The following HMGN3 variants were observed in gnomAD, a reference collection of about 807,000 sequenced individuals.
The protein encoded by HMGN3 is high mobility group nucleosome-binding domain-containing protein 3.
In HMGN3, 6 loss-of-function variants were observed where a neutral mutation model predicts 18.8. The ratio of observed to expected loss-of-function variants is 0.32; its 90% CI spans 0.18 to 0.63. The LOEUF (loss-of-function observed/expected upper bound fraction) is 0.63. HMGN3 is among the 30% of genes least tolerant of loss of function. HMGN3 has a pLI of 0.79. For missense variants in HMGN3, 107 were observed against 114.2 expected (o/e 0.94, Z 0.29); for synonymous variants, 40 against 36.5 (o/e 1.10, Z -0.35).
At chr6:79,202,412 T>C in intron 4 of HMGN3, 23 bp from the exon 5 acceptor site, 1 of 1,559,962 alleles carries the variant, frequency 6.4e-7, no homozygotes. Context: ...CAAAGCACAG[T>C]GAAAGAGAAT....
At chr6:79,208,420 T>A (rs1776522450) in intron 3 of HMGN3, 127 bp downstream of exon 3, 1 of 814,752 alleles carries the variant, frequency 1.2e-6, no homozygotes, top group Non-Finnish European at 2.1e-6. Flanking sequence ...ATGAGGACCC[T>A]AGGTAATTTT....
At chr6:79,214,876 A>C (rs1394385781) in intron 2 of HMGN3, 96 bp downstream of exon 2, 1 of 741,518 alleles carries the variant, frequency 1.3e-6, no homozygotes, top group East Asian at 2.7e-5. Flanking sequence ...CTTTGTTCAT[A>C]CAATTGTCCG....
exon 6 of HMGN3, chr6:79,201,674 T>G: frequency 6.5e-7 from 1 of 1,543,106 alleles, no homozygotes; most frequent in Non-Finnish European, 8.9e-7. Context: ...TCAACCCCAA[T>G]TTTTCATGAC....
At chr6:79,211,051 C>G (rs1012805283) in intron 2 of HMGN3, among the ~76,000 whole-genome samples, 24 of 142,102 alleles carry the variant, frequency 1.7e-4, no homozygotes, top group Middle Eastern at 4.0e-3. Flanking sequence ...GCTGTCTAAA[C>G]CAGCCAGTAC....
chr6:79,216,873 G>C (rs1190685478), intron 1 of HMGN3, among the ~76,000 whole-genome samples: 1 of 152,128 alleles, frequency 6.6e-6, no homozygotes, highest in Admixed American at 6.5e-5. Flanking sequence ...ATTCAGACCT[G>C]TCAGGTCACT....
At chr6:79,208,400 T>G (rs530173591) in intron 3 of HMGN3, 147 bp downstream of exon 3, 178 of 713,948 alleles carry the variant, frequency 2.5e-4, no homozygotes, top group Middle Eastern at 9.8e-4. Context: ...ACTGGTCAAA[T>G]TTGCTAGACA....
chr6:79,223,126 C>T (rs368588083), intron 1 of HMGN3, among the ~76,000 whole-genome samples: 1 of 152,164 alleles, frequency 6.6e-6, no homozygotes, highest in East Asian at 1.9e-4. Context: ...CATCTGTAAT[C>T]GCAGCACTTT....
intron 1 of HMGN3, among the ~76,000 whole-genome samples, chr6:79,216,904 T>TA (rs35199763): frequency 1.3e-5 from 2 of 152,170 alleles, no homozygotes; most frequent in Non-Finnish European, 2.9e-5. Flanking sequence ...CAGTCTAGGG[T>TA]ACTCTCTACC....
chr6:79,227,748 A>C (rs1241002785), intron 1 of HMGN3, among the ~76,000 whole-genome samples: 1 of 152,192 alleles, frequency 6.6e-6, no homozygotes, highest in Non-Finnish European at 1.5e-5. Flanking sequence ...CCAGAACCAT[A>C]CTAGAGTTTT....
At chr6:79,206,446 C>T (rs568656877) in intron 3 of HMGN3, among the ~76,000 whole-genome samples, 30 of 152,200 alleles carry the variant, frequency 2.0e-4, no homozygotes, top group Non-Finnish European at 4.1e-4. Flanking sequence ...GGGGCTATTG[C>T]TTCAGTGTGT....
At chr6:79,214,248 C>T (rs1261751197) in intron 2 of HMGN3, among the ~76,000 whole-genome samples, 1 of 149,794 alleles carries the variant, frequency 6.7e-6, no homozygotes, top group East Asian at 1.9e-4. Flanking sequence ...GTCACCCAGG[C>T]TGGAGTGCAG....
intron 1 of HMGN3, among the ~76,000 whole-genome samples, chr6:79,219,699 T>C (rs1313845558): frequency 1.3e-5 from 2 of 152,024 alleles, no homozygotes; most frequent in African/African-American, 4.8e-5. Context: ...TAATATTTTA[T>C]TTAACTGACT....
In HMGN3 at chr6:79,224,990, T is replaced by C. The variant is rs562133343; in HGVS notation, c.15+9556A>G. On this transcript the variant is annotated intron_variant, in intron 1 of 5. Transcript: ENST00000344726. ...AAAATTAAAAATTGTAATTAAGGGG[T>C]AAAGTAAAGCAATGAGAAGTAGTCA... 1.6e-4 allele frequency among the ~76,000 whole-genome samples: 24 copies of C among 152,296 alleles called. No homozygotes were observed. The South Asian group carries it at 2.3e-3, about 14-fold the overall frequency.
intron 1 of HMGN3, among the ~76,000 whole-genome samples, chr6:79,220,942 A>G (rs1777252469): frequency 6.6e-6 from 1 of 152,154 alleles, no homozygotes; most frequent in Admixed American, 6.5e-5. Flanking sequence ...TTATTTTCTA[A>G]AAAGGCCTGA....
intron 2 of HMGN3, 100 bp from the exon 3 acceptor site, chr6:79,208,676 G>T: frequency 1.1e-6 from 1 of 920,898 alleles, no homozygotes; most frequent in South Asian, 1.3e-5. Flanking sequence ...TTTGTTGAAT[G>T]ACTATAATGT....
intron 1 of HMGN3, among the ~76,000 whole-genome samples, chr6:79,226,603 ACG>A: frequency 6.6e-6 from 1 of 152,288 alleles, no homozygotes; most frequent in South Asian, 2.1e-4. Flanking sequence ...AATACAAAAC[ACG>A]TATCTCAGGT....
intron 1 of HMGN3, among the ~76,000 whole-genome samples, chr6:79,215,714 A>G (rs1307751494): frequency 6.6e-6 from 1 of 152,206 alleles, no homozygotes; most frequent in Non-Finnish European, 1.5e-5. Flanking sequence ...ATACTATGGG[A>G]AAAACATATC....
intron 4 of HMGN3, 50 bp downstream of exon 4, chr6:79,203,530 T>C (rs1582396906): frequency 7.2e-7 from 1 of 1,393,414 alleles, no homozygotes; most frequent in East Asian, 2.3e-5. Flanking sequence ...TAGGGAATTA[T>C]AATTTATTCA....
chr6:79,222,296 GA>G (rs1180014300), intron 1 of HMGN3, among the ~76,000 whole-genome samples: 1 of 151,860 alleles, frequency 6.6e-6, no homozygotes, highest in Admixed American at 6.6e-5. Context: ...CAAGGCTGGG[GA>G]AAAAAGCAGT....
Sources: allele counts gnomAD v4.1 joint callset (sites outside exome capture counted in the v4.1 genomes callset), GRCh38; gene constraint gnomAD v4.1.1; transcripts MANE v1.5; gene names NCBI Gene and HGNC (gene_info 2026-07-23, HGNC 2026-07-21).